Variants in CEP43 observed in about 807,000 individuals in gnomAD.
CEP43 encodes centrosomal protein 43, also known as FGFR1 oncogene partner.
A neutral mutation model predicts 52.6 loss-of-function variants in CEP43; 36 were observed. The observed-to-expected ratio is 0.68, with a 90% CI of 0.52 to 0.90. The LOEUF (loss-of-function observed/expected upper bound fraction) is 0.90. Ranked by LOEUF, CEP43 falls within the 40% of genes least tolerant of loss-of-function variation. The pLI, the probability that CEP43 is intolerant of heterozygous loss-of-function variation, is 0.00. For missense variants in CEP43, 506 were observed against 472.8 expected (o/e 1.07, Z -0.65); for synonymous variants, 192 against 172.4 (o/e 1.11, Z -0.89).
At chr6:167,006,243 G>A (rs575892598) in intron 5 of CEP43, among the ~76,000 whole-genome samples, 1 of 152,200 alleles carries the variant, frequency 6.6e-6, no homozygotes, top group African/African-American at 2.4e-5. Context: ...TAGGCTGAGC[G>A]CGGTAGCTCA....
intron 11 of CEP43, among the ~76,000 whole-genome samples, chr6:167,033,475 C>T (rs951005895): frequency 1.3e-4 from 20 of 151,814 alleles, no homozygotes; most frequent in African/African-American, 3.9e-4. Flanking sequence ...GGATATGATT[C>T]GAAATTTTAA....
chr6:167,024,939 C>T, intron 9 of CEP43, 45 bp downstream of exon 9: 1 of 1,082,612 alleles, frequency 9.2e-7, no homozygotes, highest in Non-Finnish European at 1.4e-6. Context: ...GATATTTTTT[C>T]TCTAATTAAA....
rs1780814591 is a variant in CEP43 at position 167,047,481 on chromosome 6, T to G, written c.*7503T>G. 1 of 152,178 alleles carries G rather than the reference T, an allele frequency of 6.6e-6. No individual in the cohort carries two copies. The highest frequency in any genetic ancestry group is 6.5e-5 in the Admixed American group (1 of 15,278). 9.4% of individuals were successfully genotyped at this position (152,178 alleles called of 1,614,324 possible). A position where few individuals can be genotyped will look rare whatever the true frequency, so the allele number is the denominator to read the frequency against. On this transcript the variant is annotated 3_prime_UTR_variant, in exon 13 of 13. Coordinates refer to ENST00000366847, the MANE Select transcript of CEP43 (RefSeq NM_007045.4). ...TCCTTCCCTTACAGGGCTGCCCTGGTCTTAAGTAATGCCCACAGAGAGCTT... is the reference window on the plus strand; with the variant it reads ...TCCTTCCCTTACAGGGCTGCCCTGGGCTTAAGTAATGCCCACAGAGAGCTT...
Position 167,041,844 on chromosome 6 carries a change from G to GGCCCC in CEP43, c.*1866_*1867insGCCCC. 2.8e-5 allele frequency: 4 copies of GGCCCC among 144,912 alleles called. No individual in the cohort carries two copies. Among genetic ancestry groups the GGCCCC allele is most frequent in the Non-Finnish European group, 5.0e-5 (4 of 80,384 alleles). 9.0% of individuals were successfully genotyped at this position (144,912 alleles called of 1,614,324 possible). On this transcript the variant is annotated 3_prime_UTR_variant, in exon 13 of 13. Transcript: ENST00000366847. ...TCTTTTTTTTGCGGGGGGCGGGGGG[G>GGCCCC]ACAGAGTCTCACTGTGTCACTCAGA...
At chr6:167,010,970 C>A in intron 6 of CEP43, 77 bp downstream of exon 6, 1 of 777,732 alleles carries the variant, frequency 1.3e-6, no homozygotes, top group Non-Finnish European at 2.0e-6. Context: ...TCTAGTCTTT[C>A]TTGTTACAAG....
Position 167,051,629 on chromosome 6 carries a change from A to G in CEP43, c.*11651A>G, listed in dbSNP as rs574983244. ...TGGAACTCTGTTGTTAGGTGCATAC[A>G]TATTTATAATTGTTATATCTTCCTG... On this transcript the variant is annotated 3_prime_UTR_variant, in exon 13 of 13. Coordinates refer to ENST00000366847, the MANE Select transcript of CEP43 (RefSeq NM_007045.4). 6.6e-6 allele frequency: 1 copy of G among 152,330 alleles called. No homozygotes were observed. Among genetic ancestry groups the G allele is most frequent in the African/African-American group, 2.4e-5 (1 of 41,570 alleles). The allele number at this position is 152,330 out of a possible 1,614,324, so 9.4% of individuals were successfully genotyped here.
At chr6:167,032,710 A>G (rs919011339) in intron 11 of CEP43, 68 bp downstream of exon 11, 57 of 1,363,356 alleles carry the variant, frequency 4.2e-5, no homozygotes, top group Non-Finnish European at 5.5e-5. Context: ...GAACACAGAC[A>G]AGACAAAATT....
rs973381802 is a variant in CEP43 at position 167,043,029 on chromosome 6, C to G, written c.*3051C>G. The G allele has an allele frequency of 2.6e-5, 4 of 152,312 alleles. No homozygotes were observed. Among genetic ancestry groups the G allele is most frequent in the Non-Finnish European group, 5.9e-5 (4 of 68,224 alleles). The allele number at this position is 152,312 out of a possible 1,614,324, so 9.4% of individuals were successfully genotyped here. On this transcript the variant is annotated 3_prime_UTR_variant, in exon 13 of 13. Coordinates refer to ENST00000366847, the MANE Select transcript of CEP43 (RefSeq NM_007045.4). ...CTACAAAATCTGAGGGGAAAGCTGT[C>G]CTTACCCTAAACCTGGGGAGGTCCC...
intron 10 of CEP43, among the ~76,000 whole-genome samples, chr6:167,032,094 C>G (rs762564144): frequency 2.0e-5 from 3 of 152,232 alleles, no homozygotes; most frequent in Non-Finnish European, 4.4e-5. Flanking sequence ...GGGCACCTCA[C>G]ATTCCCAGGT....
At position 167,004,414 on chromosome 6, in the gene CEP43, C is replaced by A. The variant is rs755408934; in HGVS notation, c.438+13C>A. 1 of 1,567,860 alleles carries A rather than the reference C, an allele frequency of 6.4e-7. No individual in the cohort carries two copies. Among genetic ancestry groups the A allele is most frequent in the Non-Finnish European group, 8.6e-7 (1 of 1,160,706 alleles). On this transcript the variant is annotated intron_variant, in intron 5 of 12. Transcript: ENST00000366847. ...AACCACTGGGGAAGTAAGTAGAATTCTGTGTTATCTTTTTCTATTTTAATT... is the reference window on the plus strand; with the variant it reads ...AACCACTGGGGAAGTAAGTAGAATTATGTGTTATCTTTTTCTATTTTAATT...
intron 3 of CEP43, 30 bp downstream of exon 3, chr6:167,003,277 T>G: frequency 7.7e-7 from 1 of 1,298,526 alleles, no homozygotes; most frequent in Admixed American, 2.5e-5. Flanking sequence ...CTTGTTTATC[T>G]ATCTCTGAAT....
chr6:167,023,114 G>A (rs1011043821), intron 8 of CEP43, among the ~76,000 whole-genome samples: 3 of 152,170 alleles, frequency 2.0e-5, no homozygotes, highest in Admixed American at 2.0e-4. Flanking sequence ...GGGAGTTGCC[G>A]TGGGTTGATG....
intron 12 of CEP43, 58 bp downstream of exon 12, chr6:167,034,029 T>G (rs1156978940): frequency 2.6e-6 from 2 of 757,868 alleles, no homozygotes; most frequent in Middle Eastern, 2.4e-4. Context: ...TTTGTCGATT[T>G]ACTGTAAAGC....
rs1241264170 is a variant in CEP43 at position 167,051,861 on chromosome 6, A to G, written c.*11883A>G. On this transcript the variant is annotated 3_prime_UTR_variant, in exon 13 of 13. Transcript: ENST00000366847. ...TGAATCAAAAGTTTGTCTCCTGTAG[A>G]TAGCATATAGTTGGATAATTTTTAG... 1 of 152,168 alleles carries G rather than the reference A, an allele frequency of 6.6e-6. No homozygotes were observed. Among genetic ancestry groups the G allele is most frequent in the Non-Finnish European group, 1.5e-5 (1 of 68,028 alleles). 9.4% of individuals were successfully genotyped at this position (152,168 alleles called of 1,614,324 possible).
chr6:167,024,866 G>A lies in CEP43; in HGVS notation c.891G>A (p.Ala297=), dbSNP rs147827735. The change falls in exon 9 of 13, where the codon GCG becomes GCA. Residue 297 remains alanine, a synonymous_variant. Coordinates refer to ENST00000366847, the MANE Select transcript of CEP43 (RefSeq NM_007045.4). ...TAAAAAGTGGACTCAGCTCCCTGGC[G>A]GGAGCCCCTTCTTTAAAAGACTCTG... ...PPLKSGLSSL[A]GAPSLKDSES... 1,384 of 1,610,202 alleles carry A rather than the reference G, an allele frequency of 8.6e-4. 8 individuals carry two copies. The highest frequency in any genetic ancestry group is 3.8e-3 in the South Asian group (350 of 90,978).
intron 12 of CEP43, among the ~76,000 whole-genome samples, chr6:167,038,586 CTTAGA>C (rs1035555309): frequency 1.3e-5 from 2 of 152,118 alleles, no homozygotes; most frequent in African/African-American, 4.8e-5. Flanking sequence ...TAATTTGTTT[CTTAGA>C]TTAAATTGGA....
At chr6:167,036,838 C>T in intron 12 of CEP43, 1 of 872,554 alleles carries the variant, frequency 1.1e-6, no homozygotes, top group Non-Finnish European at 1.4e-6. Context: ...GACAGAGTCT[C>T]ACTCTGTTGC....
chr6:167,006,236 G>T (rs1779849242), intron 5 of CEP43, among the ~76,000 whole-genome samples: 1 of 152,234 alleles, frequency 6.6e-6, no homozygotes, highest in South Asian at 2.1e-4. Context: ...ATTCGGATAG[G>T]CTGAGCGCGG....
Position 167,052,616 on chromosome 6 carries a change from A to G in CEP43, c.*12638A>G, listed in dbSNP as rs2114866893. ...GCTCCACGTACTCATAGTTTTCATG[A>G]CAGACTTCATTGCGATAGTCAAATA... is the stretch of plus-strand genomic sequence containing the variant. On this transcript the variant is annotated 3_prime_UTR_variant, in exon 13 of 13. Transcript: ENST00000366847. 6.6e-6 allele frequency: 1 copy of G among 152,332 alleles called. No individual in the cohort carries two copies. The highest frequency in any genetic ancestry group is 3.4e-3 in the Middle Eastern group (1 of 294). 9.4% of individuals were successfully genotyped at this position (152,332 alleles called of 1,614,324 possible).
Sources: allele counts gnomAD v4.1 joint callset (sites outside exome capture counted in the v4.1 genomes callset), GRCh38; gene constraint gnomAD v4.1.1; transcripts MANE v1.5; gene names NCBI Gene and HGNC (gene_info 2026-07-23, HGNC 2026-07-21).